Variants in ARHGAP10 observed in about 807,000 individuals in gnomAD.
The protein encoded by ARHGAP10 is rho GTPase-activating protein 10.
Under a neutral mutation model 108.6 loss-of-function variants are expected in ARHGAP10, and 87 were observed. The observed-to-expected ratio is 0.80, with a 90% CI of 0.67 to 0.96. The LOEUF is 0.96. Ranked by LOEUF, ARHGAP10 falls within the 40% of genes least tolerant of loss-of-function variation. ARHGAP10 has a pLI of 0.00. For missense variants in ARHGAP10, 939 were observed against 954.5 expected (o/e 0.98, Z 0.21); for synonymous variants, 347 against 341.1 (o/e 1.02, Z -0.19).
intron 1 of ARHGAP10, among the ~76,000 whole-genome samples, chr4:147,799,863 G>C (rs1731504130): frequency 6.6e-6 from 1 of 152,104 alleles, no homozygotes; most frequent in Non-Finnish European, 1.5e-5. Flanking sequence ...TTCTTGGTAT[G>C]GTGGGTGATT....
intron 18 of ARHGAP10, among the ~76,000 whole-genome samples, chr4:148,004,209 A>T (rs1403241068): frequency 1.3e-5 from 2 of 152,166 alleles, no homozygotes; most frequent in Admixed American, 1.3e-4. Context: ...AAATTGACTT[A>T]AGCTTTGAAG....
chr4:147,974,654 T>C (rs1739526991), intron 18 of ARHGAP10, among the ~76,000 whole-genome samples: 2 of 152,224 alleles, frequency 1.3e-5, no homozygotes, highest in Non-Finnish European at 2.9e-5. Flanking sequence ...TGTGCTCTGA[T>C]GTTTCATTGA....
chr4:147,927,851 G>A (rs1217355387), intron 13 of ARHGAP10, among the ~76,000 whole-genome samples: 2 of 152,196 alleles, frequency 1.3e-5, no homozygotes, highest in Non-Finnish European at 2.9e-5. Flanking sequence ...CACAGCCAGT[G>A]CCTGTATTAG....
chr4:147,876,520 G>A (rs10001756), intron 8 of ARHGAP10, among the ~76,000 whole-genome samples: 20,925 of 152,080 alleles, frequency 0.14, 1,940 homozygotes, highest in East Asian at 0.26. Flanking sequence ...GTGAACCTGG[G>A]AGGCGGAGCT....
intron 20 of ARHGAP10, 110 bp from the exon 21 acceptor site, chr4:148,063,038 A>AGAGTCCCTACTGGTCCCTACT: frequency 7.5e-7 from 1 of 1,334,942 alleles, no homozygotes; most frequent in Non-Finnish European, 1.1e-6. Flanking sequence ...CCTACTGGTC[A>AGAGTCCCTACTGGTCCCTACT]GGCATGATAG....
chr4:147,858,789 C>T (rs185953999), intron 5 of ARHGAP10, among the ~76,000 whole-genome samples: 9 of 152,278 alleles, frequency 5.9e-5, no homozygotes, highest in East Asian at 1.9e-4. Flanking sequence ...CCTCCATTTT[C>T]AGGTATCCAA....
At chr4:147,927,509 T>A (rs551685622) in intron 13 of ARHGAP10, among the ~76,000 whole-genome samples, 13 of 152,294 alleles carry the variant, frequency 8.5e-5, no homozygotes, top group African/African-American at 3.1e-4. Flanking sequence ...TATATCACAC[T>A]CTCTCACACA....
intron 20 of ARHGAP10, among the ~76,000 whole-genome samples, chr4:148,061,397 G>T (rs1411596166): frequency 6.6e-6 from 1 of 152,008 alleles, no homozygotes; most frequent in Non-Finnish European, 1.5e-5. Flanking sequence ...TCCTGCCAGG[G>T]CTTCACTCAC....
At position 147,864,938 on chromosome 4, in the gene ARHGAP10, G is replaced by A. The variant is rs1270047067; in HGVS notation, c.579G>A (p.Lys193=). The A allele has an allele frequency of 6.2e-7, 1 of 1,613,672 alleles. No homozygotes were observed. Among genetic ancestry groups the A allele is most frequent in the Non-Finnish European group, 8.5e-7 (1 of 1,179,752 alleles). ...TGCAGGAAATCCAAGAAAGAAAGAA[G>A]TTTGAGTTTGTGGAACCTGTGAGTA... is the stretch of plus-strand genomic sequence containing the variant. ...CKLQEIQERK[K]FEFVEPMLSF... Residue 193 remains lysine, a synonymous_variant, in exon 6 of 23, where the codon AAG becomes AAA. Transcript: ENST00000336498.
chr4:147,963,593 A>G (rs1054190540), intron 16 of ARHGAP10, among the ~76,000 whole-genome samples: 1 of 152,196 alleles, frequency 6.6e-6, no homozygotes, highest in Admixed American at 6.5e-5. Flanking sequence ...AATAATTCCA[A>G]AGTTTGGGGG....
chr4:147,978,924 A>G (rs1234642689), intron 18 of ARHGAP10, among the ~76,000 whole-genome samples: 1 of 152,016 alleles, frequency 6.6e-6, no homozygotes, highest in African/African-American at 2.4e-5. Flanking sequence ...TTTCTTAATT[A>G]TTCATTTCAG....
At chr4:147,985,564 A>G (rs1050784046) in intron 18 of ARHGAP10, among the ~76,000 whole-genome samples, 5 of 152,102 alleles carry the variant, frequency 3.3e-5, no homozygotes, top group African/African-American at 9.7e-5. Context: ...GTTACTTTCT[A>G]TATTTGTTGC....
chr4:147,844,678 C>T (rs1363809226), intron 3 of ARHGAP10, among the ~76,000 whole-genome samples: 2 of 152,208 alleles, frequency 1.3e-5, no homozygotes, highest in African/African-American at 2.4e-5. Flanking sequence ...TTCACCTTTT[C>T]CATTCGGTCA....
chr4:147,827,236 T>A (rs1380742431), intron 3 of ARHGAP10, among the ~76,000 whole-genome samples: 2 of 152,136 alleles, frequency 1.3e-5, no homozygotes. Flanking sequence ...TAAATACCTT[T>A]GAATGCTTAC....
chr4:148,004,012 G>A (rs1208939705), intron 18 of ARHGAP10, among the ~76,000 whole-genome samples: 2 of 114,290 alleles, frequency 1.7e-5, no homozygotes, highest in East Asian at 2.1e-4. Flanking sequence ...TACTGCTGGC[G>A]GGGGTGTGAA....
At chr4:147,805,186 TG>T (rs1348139214) in intron 1 of ARHGAP10, among the ~76,000 whole-genome samples, 7 of 152,222 alleles carry the variant, frequency 4.6e-5, no homozygotes, top group African/African-American at 1.4e-4. Context: ...TTCAGTCTTC[TG>T]CCTATGGCTA....
Position 148,072,039 on chromosome 4 carries a change from C to T in ARHGAP10, c.2319C>T (p.Gly773=). 6.2e-7 allele frequency: 1 copy of T among 1,613,598 alleles called. No individual in the cohort carries two copies. Among genetic ancestry groups the T allele is most frequent in the Admixed American group, 1.7e-5 (1 of 59,982 alleles). The change falls in exon 23 of 23, where the codon GGC becomes GGT. Residue 773 remains glycine (G), a synonymous_variant. Coordinates refer to ENST00000336498, the MANE Select transcript of ARHGAP10 (RefSeq NM_024605.4). ...GCTGGCTAGAAGGGACTCTGAACGG[C>T]AAGAGGGGGCTGATTCCACAGAACT... The part of the protein sequence containing the change: ...EPGWLEGTLN[G]KRGLIPQNYV...
chr4:147,766,836 A>ATATTTATT (rs1281281731), intron 1 of ARHGAP10, among the ~76,000 whole-genome samples: 38 of 43,608 alleles, frequency 8.7e-4, no homozygotes, highest in African/African-American at 2.3e-3. Context: ...ATATATATAT[A>ATATTTATT]TATTTATTTA....
At chr4:147,844,382 A>G (rs1733549761) in intron 3 of ARHGAP10, among the ~76,000 whole-genome samples, 1 of 152,164 alleles carries the variant, frequency 6.6e-6, no homozygotes, top group South Asian at 2.1e-4. Context: ...CAATTAAATT[A>G]TTTTGAGTAT....
Sources: gnomAD v4.1 joint callset for allele counts (sites outside exome capture counted in the v4.1 genomes callset) on GRCh38, gnomAD v4.1.1 for gene constraint, MANE v1.5 for transcripts, NCBI Gene and HGNC (gene_info 2026-07-23, HGNC 2026-07-21) for gene names.